Variants in ZNF385D observed in about 807,000 individuals in gnomAD.
ZNF385D encodes the protein zinc finger protein 659.
In ZNF385D, 15 loss-of-function variants were observed where a neutral mutation model predicts 35.8. The observed-to-expected ratio is 0.42, with a 90% CI of 0.28 to 0.64. ZNF385D has a LOEUF of 0.64. Ranked by LOEUF, ZNF385D falls within the 30% of genes least tolerant of loss-of-function variation. The pLI is 0.23. For missense variants in ZNF385D, 474 were observed against 494.6 expected, an observed-to-expected ratio of 0.96 and a Z score of 0.39; for synonymous variants, 212 against 186.8, an observed-to-expected ratio of 1.13 and a Z score of -1.10.
At chr3:21,998,378 C>T (rs1194230184) in intron 3 of ZNF385D, among the ~76,000 whole-genome samples, 2 of 152,178 alleles carry the variant, frequency 1.3e-5, no homozygotes, top group African/African-American at 2.4e-5. Context: ...GCCAAGAACC[C>T]TCCCAAGCTG....
intron 2 of ZNF385D, among the ~76,000 whole-genome samples, chr3:22,186,963 G>A (rs1190305063): frequency 2.0e-5 from 3 of 152,116 alleles, no homozygotes; most frequent in Non-Finnish European, 4.4e-5. Context: ...GGTAGGTACT[G>A]TAATTATCCC....
chr3:22,143,201 G>C (rs1185256827), intron 3 of ZNF385D, among the ~76,000 whole-genome samples: 1 of 151,700 alleles, frequency 6.6e-6, no homozygotes, highest in African/African-American at 2.4e-5. Flanking sequence ...TCCTGCCTCA[G>C]CCTCCGGAGT....
At chr3:22,124,913 T>C (rs537034692) in intron 3 of ZNF385D, among the ~76,000 whole-genome samples, 1 of 152,274 alleles carries the variant, frequency 6.6e-6, no homozygotes, top group South Asian at 2.1e-4. Flanking sequence ...TAGAAGCTTT[T>C]TAATTTGATG....
At chr3:21,655,517 T>C (rs1442912355) in intron 2 of ZNF385D, among the ~76,000 whole-genome samples, 1 of 152,062 alleles carries the variant, frequency 6.6e-6, no homozygotes, top group Admixed American at 6.6e-5. Context: ...CGTGTGCTGG[T>C]GACATTAGAC....
intron 3 of ZNF385D, among the ~76,000 whole-genome samples, chr3:22,030,980 G>A (rs545983159): frequency 3.9e-5 from 6 of 152,316 alleles, no homozygotes; most frequent in South Asian, 2.1e-4. Context: ...TCTGAAACCC[G>A]GCTGGGCAGT....
chr3:21,557,408 T>C (rs1198140684), intron 3 of ZNF385D, among the ~76,000 whole-genome samples: 2 of 152,218 alleles, frequency 1.3e-5, no homozygotes, highest in African/African-American at 2.4e-5. Context: ...TTTTTCTGCA[T>C]CTATTGAGAT....
At chr3:22,181,701 A>C (rs1162004529) in intron 2 of ZNF385D, among the ~76,000 whole-genome samples, 1 of 151,098 alleles carries the variant, frequency 6.6e-6, no homozygotes, top group East Asian at 1.9e-4. Flanking sequence ...CCGTCTCAAA[A>C]AAAAAAAAAA....
intron 2 of ZNF385D, among the ~76,000 whole-genome samples, chr3:22,211,963 C>G (rs145055006): frequency 6.6e-6 from 1 of 151,950 alleles, no homozygotes; most frequent in Admixed American, 6.6e-5. Flanking sequence ...ATTTGTTTTT[C>G]TTTTCAGAAT....
At chr3:22,049,559 T>C (rs995341698) in intron 3 of ZNF385D, among the ~76,000 whole-genome samples, 6 of 152,146 alleles carry the variant, frequency 3.9e-5, no homozygotes, top group Non-Finnish European at 5.9e-5. Flanking sequence ...CTATGTTTAT[T>C]AAAAGTGCCA....
intron 2 of ZNF385D, among the ~76,000 whole-genome samples, chr3:22,265,289 A>G (rs1700841124): frequency 6.6e-6 from 1 of 152,002 alleles, no homozygotes; most frequent in South Asian, 2.1e-4. Flanking sequence ...TTAAGCTAAG[A>G]ACATTTAAGA....
intron 3 of ZNF385D, among the ~76,000 whole-genome samples, chr3:21,782,620 T>G (rs1207207069): frequency 6.6e-6 from 1 of 152,126 alleles, no homozygotes; most frequent in Non-Finnish European, 1.5e-5. Flanking sequence ...ACTTAACGTC[T>G]CTGAAATTGT....
chr3:21,755,074 G>A (rs80265663), upstream of ZNF385D, among the ~76,000 whole-genome samples: 270 of 152,332 alleles, frequency 1.8e-3, 6 homozygotes, highest in East Asian at 0.025. Context: ...TTGTGAGTGT[G>A]TTTGTCCTTT....
At chr3:22,106,050 G>A (rs759185390) in intron 3 of ZNF385D, among the ~76,000 whole-genome samples, 1 of 151,998 alleles carries the variant, frequency 6.6e-6, no homozygotes, top group South Asian at 2.1e-4. Flanking sequence ...AGTCATTATT[G>A]ATAGGATAAA....
intron 3 of ZNF385D, among the ~76,000 whole-genome samples, chr3:21,531,038 T>A (rs1217760306): frequency 6.6e-6 from 1 of 152,108 alleles, no homozygotes; most frequent in Non-Finnish European, 1.5e-5. Context: ...AACGGTGAAT[T>A]TTAAAACATT....
chr3:21,656,114 TAG>T (rs1475394739), intron 2 of ZNF385D, among the ~76,000 whole-genome samples: 1 of 151,934 alleles, frequency 6.6e-6, no homozygotes, highest in East Asian at 1.9e-4. Context: ...ACCCACAATA[TAG>T]AGTCTCTCAC....
chr3:21,935,115 A>G (rs977504749), intron 3 of ZNF385D, among the ~76,000 whole-genome samples: 1 of 152,166 alleles, frequency 6.6e-6, no homozygotes, highest in Non-Finnish European at 1.5e-5. Flanking sequence ...TTATTTATCT[A>G]GTTAAGTGCA....
chr3:22,305,025 C>T (rs1194060556), intron 2 of ZNF385D, among the ~76,000 whole-genome samples: 1 of 152,080 alleles, frequency 6.6e-6, no homozygotes, highest in African/African-American at 2.4e-5. Flanking sequence ...TTCCATTTCA[C>T]TTTTGCATTT....
At chr3:21,848,342 A>C (rs769681434) in intron 3 of ZNF385D, among the ~76,000 whole-genome samples, 2 of 152,002 alleles carry the variant, frequency 1.3e-5, no homozygotes, top group Non-Finnish European at 2.9e-5. Flanking sequence ...TCGTGATTTC[A>C]ATTACTTCGG....
At chr3:22,285,526 A>G (rs1456861695) in intron 2 of ZNF385D, among the ~76,000 whole-genome samples, 4 of 151,450 alleles carry the variant, frequency 2.6e-5, no homozygotes, top group Non-Finnish European at 4.4e-5. Flanking sequence ...CACTTATTCA[A>G]TAACTTTATT....
Sources: allele counts gnomAD v4.1 joint callset (sites outside exome capture counted in the v4.1 genomes callset), GRCh38; gene constraint gnomAD v4.1.1; transcripts MANE v1.5; gene names NCBI Gene and HGNC (gene_info 2026-07-23, HGNC 2026-07-21).